Variants in INPP4B observed in about 807,000 individuals in gnomAD.
INPP4B encodes inositol polyphosphate 4-phosphatase type II.
INPP4B carries 55 observed loss-of-function variants against 122.5 expected under a neutral mutation model. The ratio of observed to expected loss-of-function variants is 0.45; its 90% CI spans 0.36 to 0.56. The LOEUF is 0.56. Among genes scored for constraint, INPP4B ranks in the 20% least tolerant of loss-of-function variants. INPP4B has a pLI of 0.00. For synonymous variants in INPP4B, 403 were observed against 388.7 expected (o/e 1.04, Z -0.43); for missense variants, 1,000 against 1,097.7 (o/e 0.91, Z 1.26).
chr4:142,659,852 C>T (rs1362999798), intron 2 of INPP4B, among the ~76,000 whole-genome samples: 5 of 152,102 alleles, frequency 3.3e-5, no homozygotes, highest in South Asian at 2.1e-4. Flanking sequence ...ACCTTGCATT[C>T]GGCTTATGAT....
At chr4:142,421,721 C>T (rs1806937374) in intron 5 of INPP4B, among the ~76,000 whole-genome samples, 1 of 152,064 alleles carries the variant, frequency 6.6e-6, no homozygotes. Context: ...CATGTTCCTC[C>T]TAAACCAACT....
intron 2 of INPP4B, among the ~76,000 whole-genome samples, chr4:142,673,133 A>G (rs1420784747): frequency 6.6e-6 from 1 of 152,172 alleles, no homozygotes; most frequent in Non-Finnish European, 1.5e-5. Flanking sequence ...GAATTACTCT[A>G]GTTAATACAA....
intron 17 of INPP4B, among the ~76,000 whole-genome samples, chr4:142,157,490 G>A (rs1057340513): frequency 3.3e-5 from 5 of 152,036 alleles, no homozygotes; most frequent in Non-Finnish European, 7.4e-5. Context: ...GTAAATTTAG[G>A]CAAAGCTTGT....
chr4:142,842,367 T>A (rs2151215282), intron 1 of INPP4B, among the ~76,000 whole-genome samples: 1 of 151,220 alleles, frequency 6.6e-6, no homozygotes, highest in Middle Eastern at 3.4e-3. Flanking sequence ...AGCTAATGTT[T>A]GGTGAAATTA....
intron 7 of INPP4B, among the ~76,000 whole-genome samples, chr4:142,365,078 C>G (rs964653490): frequency 2.0e-5 from 3 of 152,044 alleles, no homozygotes; most frequent in Admixed American, 6.6e-5. Flanking sequence ...CAAGTCTGAT[C>G]CACGGCATTG....
chr4:142,111,488 A>T (rs1214870695), intron 22 of INPP4B, among the ~76,000 whole-genome samples: 5 of 151,640 alleles, frequency 3.3e-5, no homozygotes, highest in African/African-American at 1.2e-4. Flanking sequence ...CTGAGATTAC[A>T]GGCACCCGCC....
intron 17 of INPP4B, among the ~76,000 whole-genome samples, chr4:142,154,901 C>A (rs185434453): frequency 5.3e-5 from 8 of 151,942 alleles, no homozygotes; most frequent in Non-Finnish European, 7.4e-5. Context: ...AGTTCATGAA[C>A]ACATGGAGAA....
intron 2 of INPP4B, among the ~76,000 whole-genome samples, chr4:142,592,024 T>C (rs1737610982): frequency 6.6e-6 from 1 of 152,184 alleles, no homozygotes; most frequent in Non-Finnish European, 1.5e-5. Flanking sequence ...GGTATCAATA[T>C]TAGTCCACTA....
intron 2 of INPP4B, among the ~76,000 whole-genome samples, chr4:142,559,522 T>A (rs1194432116): frequency 6.6e-6 from 1 of 152,154 alleles, no homozygotes; most frequent in African/African-American, 2.4e-5. Flanking sequence ...TTCAAAAGCA[T>A]CAAATAGCAA....
intron 1 of INPP4B, among the ~76,000 whole-genome samples, chr4:142,825,603 C>A (rs1325889196): frequency 6.6e-6 from 1 of 151,842 alleles, no homozygotes; most frequent in Non-Finnish European, 1.5e-5. Context: ...TACAAAGAAG[C>A]AAGTAAAAAG....
chr4:142,095,717 G>GA (rs1781516977), intron 23 of INPP4B, among the ~76,000 whole-genome samples: 1 of 152,134 alleles, frequency 6.6e-6, no homozygotes, highest in Non-Finnish European at 1.5e-5. Context: ...AGATTGCAAA[G>GA]ACTATAGAAA....
chr4:142,180,424 T>G (rs1477339779), intron 15 of INPP4B, among the ~76,000 whole-genome samples: 2 of 152,180 alleles, frequency 1.3e-5, no homozygotes, highest in Non-Finnish European at 2.9e-5. Context: ...TATTTTATAC[T>G]GTATTTATCC....
intron 5 of INPP4B, among the ~76,000 whole-genome samples, chr4:142,406,893 C>T (rs896360910): frequency 4.6e-5 from 7 of 152,118 alleles, no homozygotes; most frequent in Non-Finnish European, 1.0e-4. Flanking sequence ...ATTTACATTA[C>T]TAGAATTCTC....
intron 1 of INPP4B, among the ~76,000 whole-genome samples, chr4:142,843,053 AAC>A (rs1783751203): frequency 6.7e-6 from 1 of 149,936 alleles, no homozygotes. Flanking sequence ...AAAATAAACT[AAC>A]ACAGTTTGAT....
intron 5 of INPP4B, chr4:142,423,965 G>A (rs1807496028): frequency 3.1e-6 from 1 of 320,688 alleles, no homozygotes; most frequent in Middle Eastern, 1.2e-3. Flanking sequence ...CTTTCTATAT[G>A]TAGCTTGTAT....
intron 16 of INPP4B, among the ~76,000 whole-genome samples, chr4:142,167,778 C>A (rs1435506812): frequency 6.6e-6 from 1 of 151,556 alleles, no homozygotes; most frequent in Non-Finnish European, 1.5e-5. Context: ...ATAAAAAAAT[C>A]TATTCACATA....
At chr4:142,273,355 A>C (rs1296707640) in intron 9 of INPP4B, among the ~76,000 whole-genome samples, 2 of 151,944 alleles carry the variant, frequency 1.3e-5, no homozygotes, top group African/African-American at 4.8e-5. Flanking sequence ...TGAAATCGAT[A>C]TCTGAGACTA....
intron 1 of INPP4B, among the ~76,000 whole-genome samples, chr4:142,843,891 C>T (rs1409262342): frequency 3.9e-5 from 6 of 152,016 alleles, no homozygotes; most frequent in Non-Finnish European, 8.8e-5. Context: ...CTAGAAGATG[C>T]TCCAAGGTTT....
intron 7 of INPP4B, among the ~76,000 whole-genome samples, chr4:142,316,207 T>A (rs981036826): frequency 1.3e-5 from 2 of 152,192 alleles, no homozygotes; most frequent in African/African-American, 2.4e-5. Context: ...GAGATCCCAA[T>A]GGAGTAAACA....
Sources: gnomAD v4.1 joint callset for allele counts (sites outside exome capture counted in the v4.1 genomes callset) on GRCh38, gnomAD v4.1.1 for gene constraint, MANE v1.5 for transcripts, NCBI Gene and HGNC (gene_info 2026-07-23, HGNC 2026-07-21) for gene names.